Variants in ITPK1 observed in about 807,000 individuals in gnomAD.
ITPK1 encodes inositol 1,3,4-trisphosphate 5/6-kinase.
In ITPK1, 21 loss-of-function variants were observed where a neutral mutation model predicts 45.3. The observed-to-expected ratio is 0.46, with a 90% CI of 0.33 to 0.67. ITPK1 has a LOEUF of 0.67. Ranked by LOEUF, ITPK1 falls within the 30% of genes least tolerant of loss-of-function variation. The probability of loss-of-function intolerance (pLI) is 0.02; values close to 1 mark genes in which losing one functional copy is unlikely to be tolerated. For missense variants in ITPK1, 474 were observed against 573.5 expected (o/e 0.83, Z 1.77); for synonymous variants, 258 against 253.6 (o/e 1.02, Z -0.16).
chr14:93,012,473 G>A lies in ITPK1; in HGVS notation c.246+4203C>T, dbSNP rs1454257823. ...GAAGGAGCGGGTGGGGCAGATCACC[G>A]AGGCCCCATGGGTCAAGCTGGCAAT... On this transcript the variant is annotated intron_variant, in intron 4 of 10. Coordinates refer to ENST00000267615, the MANE Select transcript of ITPK1 (RefSeq NM_014216.6). This position sits in a 1 kb window ranked among gnomAD's most constrained non-coding sequence, Gnocchi z 4.9. Among the ~76,000 whole-genome samples the A allele has an allele frequency of 2.6e-5, 4 of 152,200 alleles. No homozygotes were observed. Among genetic ancestry groups the A allele is most frequent in the Non-Finnish European group, 5.9e-5 (4 of 68,034 alleles).
Position 92,940,011 on chromosome 14 carries a change from T to C in ITPK1, c.*1550A>G. 1 of 985,796 alleles carries C rather than the reference T, an allele frequency of 1.0e-6. No individual in the cohort carries two copies. Among genetic ancestry groups the C allele is most frequent in the Non-Finnish European group, 1.2e-6 (1 of 829,938 alleles). 61.1% of individuals were successfully genotyped at this position (985,796 alleles called of 1,614,324 possible). On this transcript the variant is annotated 3_prime_UTR_variant, in exon 11 of 11. Coordinates refer to ENST00000267615, the MANE Select transcript of ITPK1 (RefSeq NM_014216.6). ...CAAAACTCAAGTCGTGTAAACGTGGTTAGTTGTTGGGTCCTCAGTTTCCAA... is the reference window on the plus strand; with the variant it reads ...CAAAACTCAAGTCGTGTAAACGTGGCTAGTTGTTGGGTCCTCAGTTTCCAA...
chr14:93,098,004 C>T (rs8003547), intron 2 of ITPK1, among the ~76,000 whole-genome samples: 40,404 of 151,850 alleles, frequency 0.27, 6,176 homozygotes, highest in African/African-American at 0.43. Flanking sequence ...GAGCAAAACT[C>T]CATCTCAAAA....
chr14:93,056,610 A>G (rs1460788126), intron 3 of ITPK1, among the ~76,000 whole-genome samples: 1 of 152,114 alleles, frequency 6.6e-6, no homozygotes, highest in African/African-American at 2.4e-5. Flanking sequence ...CAGTCCACCC[A>G]CGGCTGGGTC....
At chr14:93,051,755 G>T (rs150080469) in intron 3 of ITPK1, among the ~76,000 whole-genome samples, 2 of 152,222 alleles carry the variant, frequency 1.3e-5, no homozygotes, top group African/African-American at 4.8e-5. Flanking sequence ...CAATGAGACC[G>T]GAAACCACCC....
At chr14:92,957,303 T>C (rs1230315971) in intron 8 of ITPK1, among the ~76,000 whole-genome samples, 2 of 152,248 alleles carry the variant, frequency 1.3e-5, no homozygotes, top group Non-Finnish European at 2.9e-5. Context: ...GCAGTGAGTG[T>C]TCTCCAAAGG....
At chr14:93,013,362 G>A (rs1888011493) in intron 4 of ITPK1, among the ~76,000 whole-genome samples, 1 of 152,156 alleles carries the variant, frequency 6.6e-6, no homozygotes, top group Non-Finnish European at 1.5e-5. Context: ...CAGCTTTAAT[G>A]TTCTGCAGTA....
intron 2 of ITPK1, among the ~76,000 whole-genome samples, chr14:93,103,290 G>A (rs527529136): frequency 3.7e-4 from 56 of 151,700 alleles, no homozygotes; most frequent in African/African-American, 1.1e-3. Context: ...GTGGTGGCGC[G>A]TGCTTGTAAT....
chr14:93,071,000 CCAT>C (rs1035981346), intron 3 of ITPK1: 1 of 153,832 alleles, frequency 6.5e-6, no homozygotes, highest in African/African-American at 2.4e-5. Context: ...GCCACCATCA[CCAT>C]CATGACAAGT....
intron 2 of ITPK1, among the ~76,000 whole-genome samples, chr14:93,084,691 T>TG (rs1891579613): frequency 6.6e-6 from 1 of 152,186 alleles, no homozygotes; most frequent in South Asian, 2.1e-4. Flanking sequence ...ACCTGCCACA[T>TG]GGGCATTTGG....
At chr14:92,991,675 C>T (rs1382023047) in intron 5 of ITPK1, among the ~76,000 whole-genome samples, 1 of 152,108 alleles carries the variant, frequency 6.6e-6, no homozygotes, top group East Asian at 1.9e-4. Context: ...CTGGGCCTTC[C>T]TCTCACCATG....
intron 4 of ITPK1, among the ~76,000 whole-genome samples, chr14:93,002,038 G>A (rs1461322720): frequency 6.6e-6 from 1 of 152,184 alleles, no homozygotes; most frequent in Non-Finnish European, 1.5e-5. Context: ...GATCCCGTTA[G>A]CAGCCTCATT....
chr14:93,102,057 A>C (rs1186531396), intron 2 of ITPK1, among the ~76,000 whole-genome samples: 2 of 152,248 alleles, frequency 1.3e-5, no homozygotes, highest in African/African-American at 2.4e-5. Flanking sequence ...TGCAAGCTTA[A>C]GTGCATTTCT....
At chr14:92,994,984 G>A (rs550602887) in intron 4 of ITPK1, among the ~76,000 whole-genome samples, 2 of 152,302 alleles carry the variant, frequency 1.3e-5, no homozygotes, top group South Asian at 2.1e-4. Context: ...GAACACAGAC[G>A]CAGGGAGGAG....
In ITPK1 at chr14:93,032,890, C is replaced by T. The variant is rs1889139420; in HGVS notation, c.121-16089G>A. On this transcript the variant is annotated intron_variant, in intron 3 of 10. Coordinates refer to ENST00000267615, the MANE Select transcript of ITPK1 (RefSeq NM_014216.6). This position sits in a 1 kb window ranked among gnomAD's most constrained non-coding sequence, Gnocchi z 4.0. ...AGCACGGATCGGATCGTGCACCCTG[C>T]AAAGCCAGCCCTTTTCTCTAGGGGG... Among the ~76,000 whole-genome samples the T allele has an allele frequency of 6.6e-6, 1 of 152,194 alleles. No individual in the cohort carries two copies. The highest frequency in any genetic ancestry group is 6.5e-5 in the Admixed American group (1 of 15,284).
At chr14:93,043,174 G>A (rs1007327233) in intron 3 of ITPK1, among the ~76,000 whole-genome samples, 12 of 152,060 alleles carry the variant, frequency 7.9e-5, no homozygotes, top group Non-Finnish European at 1.5e-4. Flanking sequence ...GATTGGCCAC[G>A]TGGGCCACAG....
intron 5 of ITPK1, among the ~76,000 whole-genome samples, chr14:92,964,659 C>A (rs1454034829): frequency 6.6e-6 from 1 of 152,202 alleles, no homozygotes; most frequent in Non-Finnish European, 1.5e-5. Flanking sequence ...AGCCTGGGCT[C>A]CACCCTTGGC....
chr14:93,081,640 AG>A (rs1468712602), intron 2 of ITPK1, among the ~76,000 whole-genome samples: 1 of 152,200 alleles, frequency 6.6e-6, no homozygotes, highest in Admixed American at 6.5e-5. Context: ...TTCAAAGAGG[AG>A]GCAGCATTTG....
intron 2 of ITPK1, among the ~76,000 whole-genome samples, chr14:93,101,297 G>A (rs1024721261): frequency 6.6e-6 from 1 of 152,178 alleles, no homozygotes; most frequent in Non-Finnish European, 1.5e-5. Context: ...TGGCTCAAAG[G>A]TTTTCAAAAG....
chr14:93,112,563 C>T (rs1304221985), intron 2 of ITPK1, among the ~76,000 whole-genome samples: 1 of 151,718 alleles, frequency 6.6e-6, no homozygotes, highest in African/African-American at 2.4e-5. Context: ...CCTCAGCCTC[C>T]TGAGTAGCTG....
Sources: gnomAD v4.1 joint callset for allele counts (sites outside exome capture counted in the v4.1 genomes callset) on GRCh38, gnomAD v4.1.1 for gene constraint, Gnocchi (gnomAD v3.1) non-coding constraint, MANE v1.5 for transcripts, NCBI Gene and HGNC (gene_info 2026-07-23, HGNC 2026-07-21) for gene names.